Variants in URI1 observed in about 807,000 individuals in gnomAD.
URI1 encodes the protein URI1 prefoldin like chaperone, also known as unconventional prefoldin RPB5 interactor 1.
URI1 carries 39 observed loss-of-function variants against 60.2 expected under a neutral mutation model. That is an observed-to-expected ratio of 0.65 (90% confidence interval 0.50 to 0.85). The LOEUF (loss-of-function observed/expected upper bound fraction) is 0.85, where lower values mean the gene tolerates loss of function less well. Among genes scored for constraint, URI1 ranks in the 40% least tolerant of loss-of-function variants. URI1 has a pLI of 0.00. For synonymous variants in URI1, 251 were observed against 236.8 expected, an observed-to-expected ratio of 1.06 and a Z score of -0.55; for missense variants, 691 against 665.9, an observed-to-expected ratio of 1.04 and a Z score of -0.42.
chr19:29,931,438 G>T (rs923663439), intron 1 of URI1, among the ~76,000 whole-genome samples: 9 of 152,140 alleles, frequency 5.9e-5, no homozygotes, highest in African/African-American at 2.2e-4. Context: ...GCAAGAGAAA[G>T]CTCTCTGGTA....
Position 29,972,322 on chromosome 19 carries a change from G to A in URI1, c.152+1095G>A, listed in dbSNP as rs566075826. Among the ~76,000 whole-genome samples, 4 of 152,182 alleles carry A rather than the reference G, an allele frequency of 2.6e-5. No homozygotes were observed. The South Asian group carries it at 6.2e-4, about 24-fold the overall frequency. ...TTCCACTGGTGGTGTAAGTGTGTTAGCATTTCCATAATGGACCATTCGCCT... is the reference window on the plus strand; with the variant it reads ...TTCCACTGGTGGTGTAAGTGTGTTAACATTTCCATAATGGACCATTCGCCT... On this transcript the variant is annotated intron_variant, in intron 2 of 10. Coordinates refer to ENST00000392271, the MANE Select transcript of URI1 (RefSeq NM_003796.3).
At chr19:29,942,717 C>A (rs565573145) in intron 1 of URI1, 53 bp downstream of exon 1, 2 of 1,343,576 alleles carry the variant, frequency 1.5e-6, no homozygotes, top group South Asian at 1.9e-5. Flanking sequence ...CTGCCCCTGC[C>A]TGTGCTCTGG....
chr19:29,956,485 T>C (rs1197286970), intron 1 of URI1: 1 of 1,590,026 alleles, frequency 6.3e-7, no homozygotes, highest in Admixed American at 1.7e-5. Context: ...GATATCCTTG[T>C]TTTTAACTGT....
chr19:29,930,277 T>C (rs1401218277), intron 1 of URI1, among the ~76,000 whole-genome samples: 1 of 152,170 alleles, frequency 6.6e-6, no homozygotes, highest in South Asian at 2.1e-4. Context: ...TTAATTTTGA[T>C]GACATCCAAT....
intron 1 of URI1, among the ~76,000 whole-genome samples, chr19:29,934,155 T>G (rs1373085414): frequency 1.3e-5 from 2 of 152,034 alleles, no homozygotes; most frequent in Non-Finnish European, 2.9e-5. Context: ...AGGCTGGTCT[T>G]GAACTTCTGA....
chr19:30,003,189 G>A (rs16963617), intron 4 of URI1, among the ~76,000 whole-genome samples: 1,921 of 151,974 alleles, frequency 0.013, 55 homozygotes, highest in African/African-American at 0.044. Context: ...GTACAAAATC[G>A]AAATAGGTGC....
intron 8 of URI1, 152 bp from the exon 9 acceptor site, chr19:30,010,942 A>G: frequency 1.3e-6 from 1 of 777,762 alleles, no homozygotes; most frequent in Non-Finnish European, 1.9e-6. Flanking sequence ...ACTTTTTAAA[A>G]AATTCCATCT....
chr19:29,997,803 T>TG (rs2055831057), intron 4 of URI1, among the ~76,000 whole-genome samples: 1 of 152,162 alleles, frequency 6.6e-6, no homozygotes, highest in Admixed American at 6.6e-5. Context: ...CTCACTCTGT[T>TG]GCCCTGGCTG....
At chr19:29,977,348 T>A (rs190222924) in intron 2 of URI1, among the ~76,000 whole-genome samples, 9 of 152,174 alleles carry the variant, frequency 5.9e-5, no homozygotes, top group Admixed American at 5.9e-4. Context: ...TGCCTTCACA[T>A]GCTATATAAA....
upstream of URI1, among the ~76,000 whole-genome samples, chr19:29,939,225 C>T (rs1201943634): frequency 6.6e-6 from 1 of 151,938 alleles, no homozygotes; most frequent in Non-Finnish European, 1.5e-5. Context: ...GATTTGCCTG[C>T]CTTGGCCTCC....
At chr19:30,008,962 T>A in intron 7 of URI1, 43 bp from the exon 8 acceptor site, 1 of 1,424,932 alleles carries the variant, frequency 7.0e-7, no homozygotes, top group Non-Finnish European at 9.5e-7. Context: ...AATGTAAAAT[T>A]CTAGTATGTT....
chr19:29,986,257 T>C (rs748857676), intron 3 of URI1, 25 bp from the exon 4 acceptor site: 5 of 1,534,614 alleles, frequency 3.3e-6, no homozygotes, highest in Non-Finnish European at 4.4e-6. Context: ...GTTTTTTCCC[T>C]TTTTTCTTTT....
chr19:29,946,443 A>G (rs1265210804), intron 1 of URI1, among the ~76,000 whole-genome samples: 1 of 152,170 alleles, frequency 6.6e-6, no homozygotes, highest in Non-Finnish European at 1.5e-5. Context: ...TTTTATTGTA[A>G]TATTTTAAAA....
At chr19:29,959,251 G>A (rs73044824) in intron 1 of URI1, among the ~76,000 whole-genome samples, 13,245 of 152,072 alleles carry the variant, frequency 0.087, 699 homozygotes, top group East Asian at 0.21. Context: ...CAGTCTCCCC[G>A]AGTAGCTGGG....
intron 1 of URI1, among the ~76,000 whole-genome samples, chr19:29,962,937 C>T (rs1216508573): frequency 6.6e-6 from 1 of 152,144 alleles, no homozygotes; most frequent in Non-Finnish European, 1.5e-5. Flanking sequence ...TTATCTTTCA[C>T]TTTCTGTCAT....
intron 1 of URI1, among the ~76,000 whole-genome samples, chr19:29,947,155 G>C (rs2055112436): frequency 6.6e-6 from 1 of 152,210 alleles, no homozygotes; most frequent in Non-Finnish European, 1.5e-5. Flanking sequence ...AGCAGTACCA[G>C]ATCATTGTAA....
chr19:29,991,353 C>T (rs2055743979), intron 4 of URI1, among the ~76,000 whole-genome samples: 1 of 152,200 alleles, frequency 6.6e-6, no homozygotes, highest in African/African-American at 2.4e-5. Flanking sequence ...AAGTGTTTCA[C>T]CTTTTGTGGA....
intron 4 of URI1, among the ~76,000 whole-genome samples, chr19:29,987,181 C>T (rs566679850): frequency 8.5e-5 from 13 of 152,198 alleles, no homozygotes; most frequent in South Asian, 2.1e-4. Context: ...GTATAATATC[C>T]GCCCTACCTG....
chr19:29,942,738 C>G lies in URI1; in HGVS notation c.117+74C>G, dbSNP rs902671562. ...CTGCCTGTGCTCTGGGCCGCCGCCC[C>G]GCGTGGCCTAGGCCCAGCTGCCCGG... is the stretch of plus-strand genomic sequence containing the variant. On this transcript the variant is annotated intron_variant, in intron 1 of 10. Transcript: ENST00000392271. The G allele has an allele frequency of 7.7e-6, 10 of 1,292,212 alleles. No individual in the cohort carries two copies. In the African/African-American group the frequency reaches 1.2e-4, roughly 16 times the overall value. 80.0% of individuals were successfully genotyped at this position (1,292,212 alleles called of 1,614,324 possible).
Sources: gnomAD v4.1 joint callset for allele counts (sites outside exome capture counted in the v4.1 genomes callset) on GRCh38, gnomAD v4.1.1 for gene constraint, MANE v1.5 for transcripts, NCBI Gene and HGNC (gene_info 2026-07-23, HGNC 2026-07-21) for gene names.